Variants in ADARB2 observed in about 807,000 individuals in gnomAD.
ADARB2 encodes the protein adenosine deaminase RNA specific B2 (inactive).
In ADARB2, 25 loss-of-function variants were observed where a neutral mutation model predicts 62.2. The ratio of observed to expected loss-of-function variants is 0.40; its 90% CI spans 0.29 to 0.56. ADARB2 has a LOEUF of 0.56. Ranked by LOEUF, ADARB2 falls within the 20% of genes least tolerant of loss-of-function variation. The pLI is 0.43. For synonymous variants in ADARB2, 572 were observed against 500.8 expected (o/e 1.14, Z -1.90); for missense variants, 1,071 against 1,077.4 (o/e 0.99, Z 0.08).
chr10:1,465,963 T>A (rs1168570405), intron 1 of ADARB2, among the ~76,000 whole-genome samples: 1 of 152,272 alleles, frequency 6.6e-6, no homozygotes, highest in Non-Finnish European at 1.5e-5. Flanking sequence ...CTTCTGTGTG[T>A]CTCTTTAAAT....
At chr10:1,534,137 GT>G (rs11431049) in intron 1 of ADARB2, among the ~76,000 whole-genome samples, 109 of 137,036 alleles carry the variant, frequency 8.0e-4, no homozygotes, top group Middle Eastern at 3.8e-3. Context: ...CATTGAAATA[GT>G]TTTTTTTTTT....
At chr10:1,673,115 C>A (rs1834412842) in intron 1 of ADARB2, among the ~76,000 whole-genome samples, 1 of 152,090 alleles carries the variant, frequency 6.6e-6, no homozygotes, top group Non-Finnish European at 1.5e-5. Context: ...TCTCCCAGGG[C>A]CAGTAATACT....
rs756931124 is a variant in ADARB2, at chr10:1,737,134, C to G, written c.17G>C (p.Gly6Ala). Reference sequence around the variant, plus strand: ...CAGCCCTCCAGACCCTCTGCCGCTCCCCAGGACCGAGGCCATGGCCGAGAC... The same window carrying G: ...CAGCCCTCCAGACCCTCTGCCGCTCGCCAGGACCGAGGCCATGGCCGAGAC... MASVL[G>A]SGRGSGGLSS... The change falls in exon 1 of 10, where the codon GGG (glycine) becomes GCG (alanine). Residue 6 changes from glycine (G) to alanine (A), a missense_variant. By Grantham distance (60) the Gly-to-Ala change is moderately conservative (BLOSUM62 0). Transcript: ENST00000381312. 6.2e-7 allele frequency: 1 copy of G among 1,608,940 alleles called. No individual in the cohort carries two copies. Among genetic ancestry groups the G allele is most frequent in the East Asian group, 2.2e-5 (1 of 44,860 alleles).
chr10:1,718,404 T>C (rs1564203605), intron 1 of ADARB2, among the ~76,000 whole-genome samples: 1 of 152,202 alleles, frequency 6.6e-6, no homozygotes, highest in Non-Finnish European at 1.5e-5. Flanking sequence ...TGGGCACCTG[T>C]GGCCCCACTG....
chr10:1,597,699 T>G (rs997102450), intron 1 of ADARB2, among the ~76,000 whole-genome samples: 1 of 152,240 alleles, frequency 6.6e-6, no homozygotes, highest in African/African-American at 2.4e-5. Context: ...TAGCTTCTAT[T>G]GAAAACAGCT....
intron 1 of ADARB2, among the ~76,000 whole-genome samples, chr10:1,458,933 TG>T (rs1831132443): frequency 6.6e-6 from 1 of 152,100 alleles, no homozygotes; most frequent in Admixed American, 6.6e-5. Flanking sequence ...AACAATCATA[TG>T]AAAAAAAGCT....
At chr10:1,542,844 C>T (rs1479363812) in intron 1 of ADARB2, among the ~76,000 whole-genome samples, 4 of 129,692 alleles carry the variant, frequency 3.1e-5, no homozygotes, top group African/African-American at 1.2e-4. Flanking sequence ...GGATCACAGC[C>T]GCCCAGACCC....
intron 1 of ADARB2, among the ~76,000 whole-genome samples, chr10:1,453,070 G>A (rs1831058934): frequency 6.6e-6 from 1 of 152,180 alleles, no homozygotes; most frequent in Non-Finnish European, 1.5e-5. Flanking sequence ...CTGGGTCTGT[G>A]ACGCCTAGTC....
chr10:1,284,143 T>A (rs1831392588), intron 3 of ADARB2, among the ~76,000 whole-genome samples: 1 of 152,166 alleles, frequency 6.6e-6, no homozygotes, highest in Non-Finnish European at 1.5e-5. Flanking sequence ...GACACGATTA[T>A]ACCTGCCAGG....
intron 4 of ADARB2, among the ~76,000 whole-genome samples, chr10:1,244,222 C>T (rs938686961): frequency 1.3e-5 from 2 of 152,250 alleles, no homozygotes; most frequent in Admixed American, 1.3e-4. Flanking sequence ...GACATGTGGA[C>T]TGTTGAGAAA....
intron 3 of ADARB2, among the ~76,000 whole-genome samples, chr10:1,319,948 C>T (rs1831780864): frequency 6.6e-6 from 1 of 152,178 alleles, no homozygotes. Context: ...GTGTGTATTG[C>T]CAAATTGTTT....
At chr10:1,441,277 A>T (rs1323762557) in intron 1 of ADARB2, among the ~76,000 whole-genome samples, 1 of 152,224 alleles carries the variant, frequency 6.6e-6, no homozygotes, top group Non-Finnish European at 1.5e-5. Context: ...TCTAAAAAAA[A>T]TTGTTTTTTG....
intron 1 of ADARB2, among the ~76,000 whole-genome samples, chr10:1,612,408 G>A (rs1833584048): frequency 1.3e-5 from 2 of 152,214 alleles, no homozygotes; most frequent in Admixed American, 1.3e-4. Flanking sequence ...TCACAACGCC[G>A]GTGGGTCAAG....
chr10:1,265,052 C>T (rs943663177), intron 4 of ADARB2, among the ~76,000 whole-genome samples: 5 of 152,202 alleles, frequency 3.3e-5, no homozygotes, highest in South Asian at 2.1e-4. Context: ...TGGTCACCAC[C>T]GGGCCTTGAT....
chr10:1,280,758 C>T (rs1282579505), intron 3 of ADARB2, among the ~76,000 whole-genome samples: 1 of 151,232 alleles, frequency 6.6e-6, no homozygotes, highest in Non-Finnish European at 1.5e-5. Context: ...CGTGAAATTC[C>T]TAAGTGACGC....
At chr10:1,681,042 A>G (rs1834529032) in intron 1 of ADARB2, among the ~76,000 whole-genome samples, 1 of 152,166 alleles carries the variant, frequency 6.6e-6, no homozygotes, top group Non-Finnish European at 1.5e-5. Context: ...GTCATGACTT[A>G]AATGGGCCTG....
At chr10:1,612,329 A>T (rs1833582775) in intron 1 of ADARB2, among the ~76,000 whole-genome samples, 1 of 152,212 alleles carries the variant, frequency 6.6e-6, no homozygotes. Flanking sequence ...CAGAGCGGCC[A>T]TGGCCGCCCT....
In ADARB2 at chr10:1,181,810, A is replaced by C. The variant is rs1836678919; in HGVS notation, c.*1383T>G. 1 of 152,184 alleles carries C rather than the reference A, an allele frequency of 6.6e-6. No homozygotes were observed. Among genetic ancestry groups the C allele is most frequent in the Non-Finnish European group, 1.5e-5 (1 of 68,024 alleles). 9.4% of individuals were successfully genotyped at this position (152,184 alleles called of 1,614,324 possible). On this transcript the variant is annotated 3_prime_UTR_variant, in exon 10 of 10. Transcript: ENST00000381312. ...AAGTTGGAGAAATGAGAGACTGGCT[A>C]TCTAGCATGATGAATGTTAGAAATG...
chr10:1,498,375 CAAATAAATAAATAAAT>C (rs146551454), intron 1 of ADARB2, among the ~76,000 whole-genome samples: 4 of 147,168 alleles, frequency 2.7e-5, no homozygotes, highest in African/African-American at 7.6e-5. Flanking sequence ...AACTCTGTCT[CAAATAAATAAATAAAT>C]AAATAAATAA....
Sources: allele counts gnomAD v4.1 joint callset (sites outside exome capture counted in the v4.1 genomes callset), GRCh38; gene constraint gnomAD v4.1.1; transcripts MANE v1.5; gene names NCBI Gene and HGNC (gene_info 2026-07-23, HGNC 2026-07-21).